Variants in ADK observed in about 807,000 individuals in gnomAD.
ADK encodes the protein N6,N6-dimethyladenosine kinase.
A neutral mutation model predicts 44.7 loss-of-function variants in ADK; 24 were observed. That is an observed-to-expected ratio of 0.54 (90% CI 0.39 to 0.76). ADK has a LOEUF of 0.76. ADK is among the 30% of genes least tolerant of loss of function. ADK has a pLI of 0.00. For missense variants in ADK, 321 were observed against 425.1 expected (o/e 0.76, Z 2.15); for synonymous variants, 128 against 142.6 (o/e 0.90, Z 0.73).
intron 9 of ADK, among the ~76,000 whole-genome samples, chr10:74,613,774 C>G (rs1187339544): frequency 6.6e-6 from 1 of 152,094 alleles, no homozygotes; most frequent in Non-Finnish European, 1.5e-5. Context: ...AAAACAATCT[C>G]AGCATTGGAA....
chr10:74,176,780 G>A, intron 1 of ADK: 1 of 1,583,982 alleles, frequency 6.3e-7, no homozygotes, highest in Non-Finnish European at 8.5e-7. Flanking sequence ...GAGTGCCTGA[G>A]CCGGGAAGCA....
intron 10 of ADK, among the ~76,000 whole-genome samples, chr10:74,683,275 C>T (rs1855678639): frequency 1.3e-5 from 2 of 152,172 alleles, no homozygotes; most frequent in Admixed American, 6.5e-5. Context: ...ACTCTGGAGG[C>T]TTGCTCCTAA....
intron 3 of ADK, among the ~76,000 whole-genome samples, chr10:74,305,833 C>T (rs570153862): frequency 2.0e-5 from 3 of 152,192 alleles, no homozygotes; most frequent in East Asian, 1.9e-4. Flanking sequence ...CTGAAGTGAT[C>T]GTCCTGCCTC....
At chr10:74,217,310 C>T (rs1337971158) in intron 2 of ADK, among the ~76,000 whole-genome samples, 4 of 152,232 alleles carry the variant, frequency 2.6e-5, no homozygotes, top group Admixed American at 6.5e-5. Flanking sequence ...GGCAGCGAGG[C>T]TGGGAGAGGG....
At chr10:74,449,828 A>G (rs1845709935) in intron 6 of ADK, among the ~76,000 whole-genome samples, 1 of 152,174 alleles carries the variant, frequency 6.6e-6, no homozygotes, top group East Asian at 1.9e-4. Context: ...ATCGTGTGTT[A>G]TTTATCCTTG....
chr10:74,612,470 A>G (rs954036220), intron 9 of ADK, among the ~76,000 whole-genome samples: 1 of 151,894 alleles, frequency 6.6e-6, no homozygotes, highest in East Asian at 1.9e-4. Flanking sequence ...CCTACTTTTT[A>G]ATGGAGTAAT....
At chr10:74,311,504 T>G (rs924926870) in intron 3 of ADK, among the ~76,000 whole-genome samples, 7 of 152,188 alleles carry the variant, frequency 4.6e-5, no homozygotes, top group Non-Finnish European at 1.0e-4. Flanking sequence ...ATGCTAGAGC[T>G]TGTAGGCTCT....
intron 7 of ADK, among the ~76,000 whole-genome samples, chr10:74,577,247 C>T (rs1048271840): frequency 6.7e-6 from 1 of 149,566 alleles, no homozygotes; most frequent in Non-Finnish European, 1.5e-5. Flanking sequence ...TTGTTTTTTA[C>T]TTAAGAGACC....
At chr10:74,486,927 A>G (rs1444882352) in intron 6 of ADK, among the ~76,000 whole-genome samples, 2 of 152,016 alleles carry the variant, frequency 1.3e-5, no homozygotes, top group Non-Finnish European at 2.9e-5. Flanking sequence ...TATGTGTACT[A>G]TTTGTTATAT....
chr10:74,274,347 A>G (rs1367420080), intron 3 of ADK, among the ~76,000 whole-genome samples: 6 of 152,194 alleles, frequency 3.9e-5, no homozygotes. Context: ...GGATCACCTG[A>G]GGTCAGGAGT....
At chr10:74,444,130 A>C (rs1398280017) in intron 6 of ADK, among the ~76,000 whole-genome samples, 1 of 152,168 alleles carries the variant, frequency 6.6e-6, no homozygotes, top group East Asian at 1.9e-4. Flanking sequence ...TTCATCAGTC[A>C]GACCATCCAC....
At chr10:74,409,734 T>C (rs1451267031) in intron 6 of ADK, among the ~76,000 whole-genome samples, 2 of 152,182 alleles carry the variant, frequency 1.3e-5, no homozygotes, top group Non-Finnish European at 2.9e-5. Flanking sequence ...GGAAGTATGA[T>C]TATAGGTCAG....
intron 3 of ADK, among the ~76,000 whole-genome samples, chr10:74,274,435 G>A (rs544548419): frequency 9.9e-5 from 15 of 151,760 alleles, no homozygotes; most frequent in African/African-American, 3.1e-4. Flanking sequence ...GGTGGCAGGC[G>A]CCTGTAATTC....
chr10:74,233,764 T>TTAA (rs557211116), intron 3 of ADK, among the ~76,000 whole-genome samples: 4 of 152,208 alleles, frequency 2.6e-5, no homozygotes, highest in Admixed American at 6.5e-5. Flanking sequence ...TCTCTTTTAG[T>TTAA]CTGTTCAGTG....
At chr10:74,473,902 T>G (rs1476566514) in intron 6 of ADK, among the ~76,000 whole-genome samples, 2 of 152,208 alleles carry the variant, frequency 1.3e-5, no homozygotes, top group African/African-American at 4.8e-5. Context: ...CCACAGTAAT[T>G]AATAAATATT....
intron 6 of ADK, among the ~76,000 whole-genome samples, chr10:74,409,426 A>T (rs1425792388): frequency 6.6e-6 from 1 of 152,220 alleles, no homozygotes; most frequent in Non-Finnish European, 1.5e-5. Flanking sequence ...TGTTTCATGG[A>T]TTAGAAATTA....
chr10:74,347,877 C>T (rs933598238), intron 4 of ADK, among the ~76,000 whole-genome samples: 1 of 152,160 alleles, frequency 6.6e-6, no homozygotes, highest in African/African-American at 2.4e-5. Context: ...TTCCTCCTCA[C>T]TGGACAGGGT....
rs144982860 is a variant in ADK, at chr10:74,286,083, C to T, written c.195-28584C>T. Among the ~76,000 whole-genome samples the T allele has an allele frequency of 3.0e-3, 459 of 152,252 alleles. 6 individuals are homozygous for T. Among genetic ancestry groups the T allele is most frequent in the East Asian group, 0.018 (91 of 5,178 alleles). ...ATATATCTATTTAGAGACTGAATCT[C>T]ACTATGTTGCCCAGGCTAGAGTGCA... On this transcript the variant is annotated intron_variant, in intron 3 of 10. Transcript: ENST00000539909.
At chr10:74,374,868 A>T (rs1842770741) in intron 4 of ADK, among the ~76,000 whole-genome samples, 1 of 152,080 alleles carries the variant, frequency 6.6e-6, no homozygotes, top group South Asian at 2.1e-4. Context: ...TGACCTTTTC[A>T]TTATACCCCA....
Sources: allele counts gnomAD v4.1 joint callset (sites outside exome capture counted in the v4.1 genomes callset), GRCh38; gene constraint gnomAD v4.1.1; transcripts MANE v1.5; gene names NCBI Gene and HGNC (gene_info 2026-07-23, HGNC 2026-07-21).